Variants in ARHGAP17 observed in about 807,000 individuals in gnomAD.
The protein encoded by ARHGAP17 is Rho GTPase activating protein 17.
Under a neutral mutation model 99.5 loss-of-function variants are expected in ARHGAP17, and 57 were observed. The ratio of observed to expected loss-of-function variants is 0.57; its 90% CI spans 0.46 to 0.71. ARHGAP17 has a LOEUF of 0.71. Ranked by LOEUF, ARHGAP17 falls within the 30% of genes least tolerant of loss-of-function variation. The pLI is 0.00. For missense variants in ARHGAP17, 1,000 were observed against 1,122.4 expected (o/e 0.89, Z 1.56); for synonymous variants, 417 against 429.6 (o/e 0.97, Z 0.36).
At chr16:24,998,499 G>A (rs2053265535) in intron 1 of ARHGAP17, among the ~76,000 whole-genome samples, 1 of 152,160 alleles carries the variant, frequency 6.6e-6, no homozygotes, top group Non-Finnish European at 1.5e-5. Context: ...GCCATGTCCA[G>A]TTTTCTTAGG....
At chr16:24,950,323 T>C (rs1037165175) in intron 12 of ARHGAP17, among the ~76,000 whole-genome samples, 5 of 152,280 alleles carry the variant, frequency 3.3e-5, no homozygotes, top group Admixed American at 2.6e-4. Flanking sequence ...AAATCTTTTA[T>C]TGGGTAGGAG....
intron 2 of ARHGAP17, 100 bp downstream of exon 2, chr16:24,978,866 T>TAAA (rs56027541): frequency 1.3e-4 from 74 of 586,838 alleles, no homozygotes; most frequent in South Asian, 3.6e-4. Flanking sequence ...TGTTTCTGGT[T>TAAA]AAAAAAAAAA....
intron 19 of ARHGAP17, among the ~76,000 whole-genome samples, chr16:24,925,506 TATTA>T (rs1392811094): frequency 6.6e-6 from 1 of 152,242 alleles, no homozygotes; most frequent in African/African-American, 2.4e-5. Flanking sequence ...TTTCTAGGGC[TATTA>T]GAGACTCTGA....
rs1175836711 is a variant in ARHGAP17 at position 24,968,643 on chromosome 16, G to T, written c.384+18C>A. The T allele has an allele frequency of 6.2e-7, 1 of 1,612,448 alleles. No individual in the cohort carries two copies. Among genetic ancestry groups the T allele is most frequent in the African/African-American group, 1.3e-5 (1 of 74,866 alleles). On this transcript the variant is annotated intron_variant, in intron 5 of 19. Coordinates refer to ENST00000289968, the MANE Select transcript of ARHGAP17 (RefSeq NM_001006634.3). ...ACACCACTCTCGGCTCTTCCGTGCT[G>T]CACGGTGAAGCACCCACCTCAGCTA...
chr16:25,000,725 C>T (rs1192993560), intron 1 of ARHGAP17, among the ~76,000 whole-genome samples: 1 of 152,178 alleles, frequency 6.6e-6, no homozygotes, highest in Admixed American at 6.5e-5. Flanking sequence ...CTGCCACATA[C>T]GCTCCATTAA....
chr16:24,925,180 A>T (rs1227890055), intron 19 of ARHGAP17, among the ~76,000 whole-genome samples: 4 of 152,110 alleles, frequency 2.6e-5, no homozygotes, highest in Non-Finnish European at 5.9e-5. Flanking sequence ...TGAGTTGGAG[A>T]CCAGCCTGGC....
chr16:24,926,584 A>G (rs2050849161), intron 19 of ARHGAP17, among the ~76,000 whole-genome samples: 1 of 152,232 alleles, frequency 6.6e-6, no homozygotes, highest in South Asian at 2.1e-4. Flanking sequence ...TTAAAAAGGC[A>G]TTACTTACAT....
intron 6 of ARHGAP17, among the ~76,000 whole-genome samples, chr16:24,966,939 C>T (rs2052206615): frequency 6.6e-6 from 1 of 152,226 alleles, no homozygotes; most frequent in African/African-American, 2.4e-5. Context: ...TTACACTAAC[C>T]TCTACCCTGT....
intron 1 of ARHGAP17, among the ~76,000 whole-genome samples, chr16:25,007,932 G>A (rs1597495906): frequency 6.6e-6 from 1 of 152,138 alleles, no homozygotes; most frequent in South Asian, 2.1e-4. Context: ...CCCTTTGAAT[G>A]AACATGTATT....
chr16:24,956,850 C>G (rs1233756456), intron 9 of ARHGAP17: 2 of 152,186 alleles, frequency 1.3e-5, no homozygotes, highest in African/African-American at 4.8e-5. Context: ...TAAATGCTGG[C>G]ACAATTCAAG....
intron 17 of ARHGAP17, among the ~76,000 whole-genome samples, chr16:24,938,912 A>G (rs527727897): frequency 6.6e-6 from 1 of 152,248 alleles, no homozygotes; most frequent in Admixed American, 6.5e-5. Context: ...AGCACATATC[A>G]GTGACTCAGT....
intron 1 of ARHGAP17, among the ~76,000 whole-genome samples, chr16:24,997,427 T>C (rs2053227385): frequency 6.6e-6 from 1 of 152,250 alleles, no homozygotes; most frequent in African/African-American, 2.4e-5. Context: ...CTTGGACTAG[T>C]GCAAGGCACC....
At chr16:24,972,086 C>A (rs1249079898) in intron 3 of ARHGAP17, among the ~76,000 whole-genome samples, 1 of 152,268 alleles carries the variant, frequency 6.6e-6, no homozygotes, top group Non-Finnish European at 1.5e-5. Flanking sequence ...ACAGGGTCCA[C>A]CCCTGACATG....
chr16:24,998,422 G>A (rs187920222), intron 1 of ARHGAP17, among the ~76,000 whole-genome samples: 5 of 152,140 alleles, frequency 3.3e-5, no homozygotes, highest in Admixed American at 3.3e-4. Context: ...GTGGGGTCCA[G>A]GCAGGTGGGT....
chr16:25,008,505 C>T (rs1342422921), intron 1 of ARHGAP17, among the ~76,000 whole-genome samples: 2 of 152,110 alleles, frequency 1.3e-5, no homozygotes, highest in Non-Finnish European at 1.5e-5. Context: ...ACAAACACAG[C>T]GAACAGATGA....
At chr16:24,985,350 C>T (rs2052831812) in intron 1 of ARHGAP17, among the ~76,000 whole-genome samples, 2 of 152,262 alleles carry the variant, frequency 1.3e-5, no homozygotes, top group Admixed American at 1.3e-4. Flanking sequence ...GCACTTCCAA[C>T]CAGGTCTCCC....
chr16:24,952,841 A>C, intron 11 of ARHGAP17, 90 bp downstream of exon 11: 1 of 1,244,888 alleles, frequency 8.0e-7, no homozygotes, highest in Non-Finnish European at 1.2e-6. Context: ...CCTGTAACTG[A>C]AATTGGATTT....
chr16:24,935,455 A>G lies in ARHGAP17; in HGVS notation c.1894+15T>C. The G allele has an allele frequency of 6.4e-7, 1 of 1,572,248 alleles. No homozygotes were observed. Among genetic ancestry groups the G allele is most frequent in the Non-Finnish European group, 8.6e-7 (1 of 1,158,096 alleles). On this transcript the variant is annotated intron_variant, in intron 18 of 19. Transcript: ENST00000289968. The stretch of plus-strand genomic sequence containing the variant: ...ACAGGCTTCCCTGAGGGCAAGGAGG[A>G]CGGTGGCTGCTTACCTCGGCGCAGT...
At chr16:24,991,008 C>T (rs769033542) in intron 1 of ARHGAP17, among the ~76,000 whole-genome samples, 2 of 152,116 alleles carry the variant, frequency 1.3e-5, no homozygotes, top group South Asian at 2.1e-4. Flanking sequence ...ACTGGCTTTA[C>T]GCTGCGGCCT....
Sources: allele counts gnomAD v4.1 joint callset (sites outside exome capture counted in the v4.1 genomes callset), GRCh38; gene constraint gnomAD v4.1.1; transcripts MANE v1.5; gene names NCBI Gene and HGNC (gene_info 2026-07-23, HGNC 2026-07-21).